Variants in NUP153 observed in about 807,000 individuals in gnomAD.
NUP153 encodes the protein nucleoporin 153, also known as nuclear pore complex protein Nup153.
NUP153 carries 27 observed loss-of-function variants against 134.6 expected under a neutral mutation model. The observed-to-expected ratio is 0.20, with a 90% CI of 0.15 to 0.28. The LOEUF is 0.28. NUP153 is among the 10% of genes least tolerant of loss of function. NUP153 has a pLI of 1.00. For synonymous variants in NUP153, 640 were observed against 623.5 expected (o/e 1.03, Z -0.40); for missense variants, 1,821 against 1,731.3 (o/e 1.05, Z -0.92).
At chr6:17,623,927 T>C (rs2113765709) in intron 20 of NUP153, among the ~76,000 whole-genome samples, 1 of 152,156 alleles carries the variant, frequency 6.6e-6, no homozygotes, top group South Asian at 2.1e-4. Context: ...AGAGGAGTGT[T>C]TTCAAAAAGA....
chr6:17,666,879 G>A (rs1385807868), intron 8 of NUP153, among the ~76,000 whole-genome samples: 1 of 152,180 alleles, frequency 6.6e-6, no homozygotes, highest in African/African-American at 2.4e-5. Context: ...CCAGGGCAAA[G>A]CCTCTGTATG....
intron 16 of NUP153, among the ~76,000 whole-genome samples, chr6:17,633,778 C>T (rs1028796717): frequency 6.6e-6 from 1 of 152,138 alleles, no homozygotes; most frequent in African/African-American, 2.4e-5. Context: ...CTACAACTGT[C>T]GCCACCTCTT....
rs138967553 is a variant in NUP153 at position 17,696,140 on chromosome 6, C to A, written c.112-7522G>T. ...TGAAACTGTCTCAAAACAAACAAAC[C>A]AACCAACCCCAAAAAAGTTAAGGGA... is the stretch of plus-strand genomic sequence containing the variant. On this transcript the variant is annotated intron_variant, in intron 1 of 21. Coordinates refer to ENST00000262077, the MANE Select transcript of NUP153 (RefSeq NM_005124.4). 6.3e-3 allele frequency among the ~76,000 whole-genome samples: 952 copies of A among 152,160 alleles called. 13 individuals are homozygous for A. Among genetic ancestry groups the A allele is most frequent in the South Asian group, 0.052 (249 of 4,808 alleles).
intron 13 of NUP153, 47 bp downstream of exon 13, chr6:17,647,760 T>C (rs1354463439): frequency 1.7e-6 from 2 of 1,154,252 alleles, no homozygotes; most frequent in South Asian, 2.6e-5. Flanking sequence ...AAATATAACA[T>C]GGCTTTGAAA....
chr6:17,691,634 G>A (rs1769278364), intron 1 of NUP153, among the ~76,000 whole-genome samples: 1 of 152,066 alleles, frequency 6.6e-6, no homozygotes, highest in Non-Finnish European at 1.5e-5. Flanking sequence ...GCATGATGGT[G>A]CATGCCTGTA....
chr6:17,622,267 T>C (rs1409569340), intron 20 of NUP153, among the ~76,000 whole-genome samples: 1 of 152,084 alleles, frequency 6.6e-6, no homozygotes, highest in Non-Finnish European at 1.5e-5. Flanking sequence ...CTGGATAACA[T>C]GGCAAAACCC....
chr6:17,675,091 C>T lies in NUP153; in HGVS notation c.724-58G>A. 1 of 1,593,226 alleles carries T rather than the reference C, an allele frequency of 6.3e-7. No homozygotes were observed. Among genetic ancestry groups the T allele is most frequent in the Non-Finnish European group, 8.6e-7 (1 of 1,166,758 alleles). On this transcript the variant is annotated intron_variant, in intron 4 of 21. Transcript: ENST00000262077. The surrounding 1 kb of genome is among the most constrained non-coding windows in gnomAD (Gnocchi z 4.4). ...ATATGAACCCAGGAGGTGGAGGTTG[C>T]AGTGAGTTAAGATCATGCTGCTACA...
At chr6:17,656,772 G>A (rs1281738708) in intron 11 of NUP153, among the ~76,000 whole-genome samples, 4 of 152,180 alleles carry the variant, frequency 2.6e-5, no homozygotes, top group Non-Finnish European at 5.9e-5. Flanking sequence ...TAGATTCTGG[G>A]GAAGGAAAGA....
rs537847601 is a variant in NUP153 at position 17,706,159 on chromosome 6, G to A, written c.111+118C>T. The A allele has an allele frequency of 2.5e-6, 2 of 793,878 alleles. No individual in the cohort carries two copies. Among genetic ancestry groups the A allele is most frequent in the East Asian group, 2.7e-5 (1 of 37,062 alleles). The allele number at this position is 793,878 out of a possible 1,614,324, so 49.2% of individuals were successfully genotyped here. A position where few individuals can be genotyped will look rare whatever the true frequency, so the allele number is the denominator to read the frequency against. On this transcript the variant is annotated intron_variant, in intron 1 of 21. Coordinates refer to ENST00000262077, the MANE Select transcript of NUP153 (RefSeq NM_005124.4). This position sits in a 1 kb window ranked among gnomAD's most constrained non-coding sequence, Gnocchi z 5.9. ...CCTGAGCTCCCCCGGAGCCTCACTCGGGCCTTTCCTCAGGCCCTCCTGTCT... is the reference window on the plus strand; with the variant it reads ...CCTGAGCTCCCCCGGAGCCTCACTCAGGCCTTTCCTCAGGCCCTCCTGTCT...
intron 11 of NUP153, among the ~76,000 whole-genome samples, chr6:17,659,338 G>GT (rs1283953080): frequency 6.6e-6 from 1 of 152,160 alleles, no homozygotes; most frequent in Non-Finnish European, 1.5e-5. Flanking sequence ...AGTGGTTCCT[G>GT]TTTTGTTCAA....
chr6:17,696,770 A>G (rs1769673767), intron 1 of NUP153, among the ~76,000 whole-genome samples: 1 of 151,808 alleles, frequency 6.6e-6, no homozygotes, highest in African/African-American at 2.4e-5. Flanking sequence ...AATAAAACAA[A>G]TAAATAAAAT....
intron 2 of NUP153, among the ~76,000 whole-genome samples, chr6:17,682,091 T>A (rs1349980733): frequency 6.6e-6 from 1 of 152,132 alleles, no homozygotes; most frequent in Non-Finnish European, 1.5e-5. Context: ...GCTCTTGTAG[T>A]CCCAGCTACC....
At chr6:17,701,905 G>T (rs1008052326) in intron 1 of NUP153, among the ~76,000 whole-genome samples, 1 of 149,624 alleles carries the variant, frequency 6.7e-6, no homozygotes, top group African/African-American at 2.5e-5. Flanking sequence ...GATTAAAGGC[G>T]GAGTCCCTTA....
chr6:17,673,041 A>G (rs1170170598), intron 5 of NUP153, among the ~76,000 whole-genome samples: 6 of 152,156 alleles, frequency 3.9e-5, no homozygotes, highest in African/African-American at 9.7e-5. Context: ...GAATACACAC[A>G]CACGCACACA....
intron 2 of NUP153, among the ~76,000 whole-genome samples, chr6:17,684,976 T>C (rs1401578812): frequency 1.3e-5 from 2 of 152,172 alleles, no homozygotes; most frequent in Non-Finnish European, 2.9e-5. Context: ...ATCACCATGA[T>C]AGATACATAA....
chr6:17,679,609 T>C (rs1218278540), intron 2 of NUP153, among the ~76,000 whole-genome samples: 2 of 152,210 alleles, frequency 1.3e-5, no homozygotes, highest in African/African-American at 2.4e-5. Flanking sequence ...TTTCTGATTT[T>C]AAAACTTAAT....
At position 17,669,544 on chromosome 6, in the gene NUP153, T is replaced by C; in HGVS notation, c.855A>G (p.Ala285=). ...QSKLRNTPYQ[A]PVRRQMKAKQ... is the part of the protein sequence containing the mutation. ...TAGCTTTCATTTGTCTTCTAACTGG[T>C]GCCTGTAAAGTAAACCCTATATTAT... Residue 285 remains alanine (A), a splice_region_variant and synonymous_variant, in exon 6 of 22, where the codon GCA becomes GCG. Coordinates refer to ENST00000262077, the MANE Select transcript of NUP153 (RefSeq NM_005124.4). 6.2e-7 allele frequency: 1 copy of C among 1,601,324 alleles called. No homozygotes were observed. The highest frequency in any genetic ancestry group is 8.6e-7 in the Non-Finnish European group (1 of 1,168,322).
At position 17,688,420 on chromosome 6, in the gene NUP153, C is replaced by T. The variant is rs1260574199; in HGVS notation, c.310G>A (p.Glu104Lys). 6.2e-7 allele frequency: 1 copy of T among 1,613,882 alleles called. No individual in the cohort carries two copies. ...CCTTCTGTATTACTGACTGCTGGCT[C>T]AGGTGTGATTCTCCCATCAGTAATA... ...SNITDGRITP[E>K]PAVSNTEEPS... Residue 104 changes from glutamate to lysine, a missense_variant, in exon 2 of 22, where the codon GAG (glutamate) becomes AAG (lysine). By Grantham distance (56) the Glu-to-Lys change is moderately conservative (BLOSUM62 1). Transcript: ENST00000262077.
At position 17,638,091 on chromosome 6, in the gene NUP153, G is replaced by A. The variant is rs1044860533; in HGVS notation, c.1847-321C>T. 2.0e-5 allele frequency among the ~76,000 whole-genome samples: 3 copies of A among 152,208 alleles called. No homozygotes were observed. The highest frequency in any genetic ancestry group is 2.9e-5 in the Non-Finnish European group (2 of 68,012). On this transcript the variant is annotated intron_variant, in intron 15 of 21. Coordinates refer to ENST00000262077, the MANE Select transcript of NUP153 (RefSeq NM_005124.4). The surrounding 1 kb of genome is among the most constrained non-coding windows in gnomAD (Gnocchi z 4.0). ...TGCCATCCACATTTTGCTATATTCT[G>A]TCTCTCTACAAACACACAATACTCG...
Sources: allele counts gnomAD v4.1 joint callset (sites outside exome capture counted in the v4.1 genomes callset), GRCh38; gene constraint gnomAD v4.1.1; non-coding constraint Gnocchi (gnomAD v3.1); transcripts MANE v1.5; gene names NCBI Gene and HGNC (gene_info 2026-07-23, HGNC 2026-07-21).